CELSR3: variants seen among roughly 807,000 people sequenced by gnomAD.
CELSR3 encodes EGF-like protein 1.
Under a neutral mutation model 270.0 loss-of-function variants are expected in CELSR3, and 73 were observed. The ratio of observed to expected loss-of-function variants is 0.27; its 90% CI spans 0.22 to 0.33. CELSR3 has a LOEUF of 0.33. CELSR3 is among the 10% of genes least tolerant of loss of function. The probability of loss-of-function intolerance (pLI) is 1.00; values close to 1 mark genes in which losing one functional copy is unlikely to be tolerated. For missense variants in CELSR3, 3,614 were observed against 4,533.8 expected (o/e 0.80, Z 5.83); for synonymous variants, 1,780 against 1,905.4 (o/e 0.93, Z 1.71).
intron 27 of CELSR3, chr3:48,643,900 G>A (rs2047053502): frequency 1.6e-6 from 1 of 609,090 alleles, no homozygotes. Flanking sequence ...AAAACACAGG[G>A]GTATGGGAGC....
At position 48,642,787 on chromosome 3, in the gene CELSR3, C is replaced by T. The variant is rs143315209; in HGVS notation, c.8504G>A (p.Arg2835His). Reference sequence around the variant, plus strand: ...GTCCTGGTCCTGGGTCCGGCCGGAGCGGGCACTGCTCACAGAGGAGACGGT... The same window carrying T: ...GTCCTGGTCCTGGGTCCGGCCGGAGTGGGCACTGCTCACAGAGGAGACGGT... ...ASTVSSVSSARSGRTQDQDSQ... is the reference protein window; with the variant it reads ...ASTVSSVSSAHSGRTQDQDSQ... Residue 2835 changes from arginine to histidine, a missense_variant, in exon 30 of 35, where the codon CGC becomes CAC. By Grantham distance (29) the Arg-to-His change is conservative. Around this residue, in one of 7 missense-constraint regions of CELSR3, gnomAD observed 1,240 missense variants for 1,351.7 expected, o/e 0.92. Transcript: ENST00000164024. This position sits in a 1 kb window ranked among gnomAD's most constrained non-coding sequence, Gnocchi z 6.1. 5.0e-6 allele frequency: 8 copies of T among 1,612,646 alleles called. No homozygotes were observed. Among genetic ancestry groups the T allele is most frequent in the East Asian group, 2.2e-5 (1 of 44,900 alleles).
Position 48,661,942 on chromosome 3 carries a change from C to T in CELSR3, c.693G>A (p.Arg231=), listed in dbSNP as rs1051663147. 6.2e-7 allele frequency: 1 copy of T among 1,613,532 alleles called. No individual in the cohort carries two copies. Among genetic ancestry groups the T allele is most frequent in the Non-Finnish European group, 8.5e-7 (1 of 1,180,028 alleles). Residue 231 remains arginine, a synonymous_variant, in exon 1 of 35, where the codon CGG becomes CGA. Coordinates refer to ENST00000164024, the MANE Select transcript of CELSR3 (RefSeq NM_001407.3). ...TTSGAERTAP[R]RNCLPGASGS... ...CCGAGGCCCCTGGAAGACAGTTCCG[C>T]CGGGGGGCTGTCCTTTCTGCTCCGG...
rs750453972 is a variant in CELSR3 at position 48,642,935 on chromosome 3, T to C, written c.8406+32A>G. The C allele has an allele frequency of 6.2e-7, 1 of 1,610,230 alleles. No individual in the cohort carries two copies. Among genetic ancestry groups the C allele is most frequent in the East Asian group, 2.2e-5 (1 of 44,814 alleles). The stretch of plus-strand genomic sequence containing the variant: ...AGCTAACCCTGAAGCAGCCTAAAAC[T>C]CTGGCTTCTCAGGGCCCCCATCCCG... On this transcript the variant is annotated intron_variant, in intron 29 of 34. Coordinates refer to ENST00000164024, the MANE Select transcript of CELSR3 (RefSeq NM_001407.3). The surrounding 1 kb of genome is among the most constrained non-coding windows in gnomAD (Gnocchi z 6.1).
In CELSR3 at chr3:48,637,212, C is replaced by T. The variant is rs567219377; in HGVS notation, c.*993G>A. The T allele has an allele frequency of 1.0e-4, 16 of 152,684 alleles. No individual in the cohort carries two copies. The highest frequency in any genetic ancestry group is 2.9e-4 in the African/African-American group (12 of 41,536). 9.5% of individuals were successfully genotyped at this position (152,684 alleles called of 1,614,324 possible). A position where few individuals can be genotyped will look rare whatever the true frequency, so the allele number is the denominator to read the frequency against. On this transcript the variant is annotated 3_prime_UTR_variant, in exon 35 of 35. Transcript: ENST00000164024. ...TTAAGGGAATAAAGGAGGAGTGGAA[C>T]GGAGTCACTTCCTGCAGCCCAGGTG...
Position 48,662,559 on chromosome 3 carries a change from AAG to A in CELSR3, c.74_75del (p.Ser25PhefsTer73). 1 of 1,577,384 alleles carries A rather than the reference AAG, an allele frequency of 6.3e-7. No individual in the cohort carries two copies. Among genetic ancestry groups the A allele is most frequent in the Non-Finnish European group, 8.6e-7 (1 of 1,161,824 alleles). On this transcript the variant is annotated frameshift_variant, in exon 1 of 35. Transcript: ENST00000164024. LOFTEE classifies it high-confidence loss of function. The surrounding 1 kb of genome is among the most constrained non-coding windows in gnomAD (Gnocchi z 7.1). ...STPILLLLLL[S>X]LFPLSQEELG... ...AGCTCCTCCTGGCTGAGGGGGAACA[AAG>A]AGAGGAGAAGGAGCAGGAGTATGGG...
At position 48,648,787 on chromosome 3, in the gene CELSR3, G is replaced by C. The variant is rs1052291117; in HGVS notation, c.6709C>G (p.Leu2237Val). 1.2e-6 allele frequency: 2 copies of C among 1,613,014 alleles called. No homozygotes were observed. Among genetic ancestry groups the C allele is most frequent in the Non-Finnish European group, 1.7e-6 (2 of 1,180,002 alleles). ...VRVTARLLAHLLAFESHQQGF... is the reference protein window; with the variant it reads ...VRVTARLLAHVLAFESHQQGF... ...TGCTGATGGCTCTCGAAGGCCAGCA[G>C]GTGGGCCAGCAGGCGGGCAGTGACT... The change falls in exon 18 of 35, where the codon CTG becomes GTG. Residue 2237 changes from leucine (L) to valine (V), a missense_variant. By Grantham distance (32) the Leu-to-Val change is conservative. Around this residue, in one of 7 missense-constraint regions of CELSR3, gnomAD observed 1,331 missense variants for 1,933.7 expected, o/e 0.69. Transcript: ENST00000164024.
At position 48,644,006 on chromosome 3, in the gene CELSR3, C is replaced by T. The variant is rs1006108759; in HGVS notation, c.8165+210G>A. 40 of 592,212 alleles carry T rather than the reference C, an allele frequency of 6.8e-5. No individual in the cohort carries two copies. Among genetic ancestry groups the T allele is most frequent in the African/African-American group, 6.1e-4 (33 of 53,768 alleles). 36.7% of individuals were successfully genotyped at this position (592,212 alleles called of 1,614,324 possible). On this transcript the variant is annotated intron_variant, in intron 27 of 34. Coordinates refer to ENST00000164024, the MANE Select transcript of CELSR3 (RefSeq NM_001407.3). This position sits in a 1 kb window ranked among gnomAD's most constrained non-coding sequence, Gnocchi z 4.8. ...GGAGACTCTGGGGGGACCCAGAGGA[C>T]AAGGAGAGACAGCAGGGCAGAAGCA...
Position 48,639,927 on chromosome 3 carries a change from G to A in CELSR3, c.9658C>T (p.Leu3220Phe), listed in dbSNP as rs1199849537. The A allele has an allele frequency of 6.2e-7, 1 of 1,613,058 alleles. No homozygotes were observed. The highest frequency in any genetic ancestry group is 8.5e-7 in the Non-Finnish European group (1 of 1,180,002). Residue 3220 changes from leucine to phenylalanine, a missense_variant, in exon 34 of 35, where the codon CTC (leucine) becomes TTC (phenylalanine). Transcript: ENST00000164024. This position sits in a 1 kb window ranked among gnomAD's most constrained non-coding sequence, Gnocchi z 4.1. ...TCCCTAGCTCTGAGCAGCTGCGGGA[G>A]TGGCCCAAGGGCTTCTCGTGAGGGG... is the stretch of plus-strand genomic sequence containing the variant. ...RHPSREALGP[L>F]PQLLRAREDS...
At position 48,640,389 on chromosome 3, in the gene CELSR3, A is replaced by G. The variant is rs749797214; in HGVS notation, c.9196T>C (p.Tyr3066His). The change falls in exon 34 of 35, where the codon TAC (tyrosine) becomes CAC (histidine). Residue 3066 changes from tyrosine (Y) to histidine (H), a missense_variant. By Grantham distance (83) the Tyr-to-His change is moderately conservative. Coordinates refer to ENST00000164024, the MANE Select transcript of CELSR3 (RefSeq NM_001407.3). The surrounding 1 kb of genome is among the most constrained non-coding windows in gnomAD (Gnocchi z 7.5). ...AGGTCCAGCTGTTCTCTAGAAGAGT[A>G]GCGGCTGGCTGGCTGTGAAAGGCTG... is the stretch of plus-strand genomic sequence containing the variant. ...TGSLSQPASR[Y>H]SSREQLDLLL... is the part of the protein sequence containing the mutation. 1.2e-6 allele frequency: 2 copies of G among 1,612,586 alleles called. No individual in the cohort carries two copies. The highest frequency in any genetic ancestry group is 1.3e-5 in the African/African-American group (1 of 75,020).
At position 48,641,789 on chromosome 3, in the gene CELSR3, G is replaced by T; in HGVS notation, c.8824+62C>A. 1 of 1,394,954 alleles carries T rather than the reference G, an allele frequency of 7.2e-7. No homozygotes were observed. The highest frequency in any genetic ancestry group is 9.5e-7 in the Non-Finnish European group (1 of 1,058,060). The allele number at this position is 1,394,954 out of a possible 1,614,324, so 86.4% of individuals were successfully genotyped here. The stretch of plus-strand genomic sequence containing the variant: ...ACCCCAACCGCAGGAAAGATGGGGA[G>T]CTGGAGGGATAACAAATGGGGCATC... On this transcript the variant is annotated intron_variant, in intron 32 of 34. Transcript: ENST00000164024. This position sits in a 1 kb window ranked among gnomAD's most constrained non-coding sequence, Gnocchi z 4.8.
In CELSR3 at chr3:48,637,904, T is replaced by A; in HGVS notation, c.*301A>T. The A allele has an allele frequency of 5.4e-4, 149 of 276,250 alleles. No individual in the cohort carries two copies. Among genetic ancestry groups the A allele is most frequent in the Middle Eastern group, 1.2e-3 (1 of 848 alleles). The allele number at this position is 276,250 out of a possible 1,614,324, so 17.1% of individuals were successfully genotyped here. The stretch of plus-strand genomic sequence containing the variant: ...ATCTCTCCCTCTATCTCCCTCCCCC[T>A]CCCAGCCCAGCCTCAAACCCCCCAG... On this transcript the variant is annotated 3_prime_UTR_variant, in exon 35 of 35. Transcript: ENST00000164024.
chr3:48,656,690 C>A lies in CELSR3; in HGVS notation c.4399+8G>T. The A allele has an allele frequency of 6.8e-7, 1 of 1,476,352 alleles. No individual in the cohort carries two copies. The highest frequency in any genetic ancestry group is 2.4e-5 in the East Asian group (1 of 42,472). 91.5% of individuals were successfully genotyped at this position (1,476,352 alleles called of 1,614,324 possible). On this transcript the variant is annotated splice_region_variant and intron_variant, in intron 2 of 34. Transcript: ENST00000164024. ...CTTCCCCCAGCTCTGGCCCGGCGCC[C>A]TGCTCACCGGTGAAGCGCGGGCGGC... is the stretch of plus-strand genomic sequence containing the variant.
Position 48,652,534 on chromosome 3 carries a change from C to A in CELSR3, c.5654G>T (p.Ser1885Ile). ...SLFQDTMAVGSELQGLKVKQL... is the reference protein window; with the variant it reads ...SLFQDTMAVGIELQGLKVKQL... ...CTTTACCTTCAGGCCCTGCAGCTCA[C>A]TCCCCACCGCCATGGTGTCCTGGAG... Residue 1885 changes from serine to isoleucine, a missense_variant, in exon 11 of 35, where the codon AGT becomes ATT. Ser to Ile is a moderately radical substitution (Grantham distance 142). Coordinates refer to ENST00000164024, the MANE Select transcript of CELSR3 (RefSeq NM_001407.3). The surrounding 1 kb of genome is among the most constrained non-coding windows in gnomAD (Gnocchi z 4.3). 1 of 1,611,386 alleles carries A rather than the reference C, an allele frequency of 6.2e-7. No homozygotes were observed. The highest frequency in any genetic ancestry group is 1.7e-5 in the Admixed American group (1 of 59,720).
Position 48,637,202 on chromosome 3 carries a change from A to G in CELSR3, c.*1003T>C, listed in dbSNP as rs1351218862. ...TTTTCCCTTTTTAAGGGAATAAAGG[A>G]GGAGTGGAACGGAGTCACTTCCTGC... is the stretch of plus-strand genomic sequence containing the variant. On this transcript the variant is annotated 3_prime_UTR_variant, in exon 35 of 35. Coordinates refer to ENST00000164024, the MANE Select transcript of CELSR3 (RefSeq NM_001407.3). The G allele has an allele frequency of 6.6e-6, 1 of 152,640 alleles. No individual in the cohort carries two copies. Among genetic ancestry groups the G allele is most frequent in the Non-Finnish European group, 1.5e-5 (1 of 68,048 alleles). 9.5% of individuals were successfully genotyped at this position (152,640 alleles called of 1,614,324 possible).
At position 48,650,320 on chromosome 3, in the gene CELSR3, G is replaced by A. The variant is rs2047125606; in HGVS notation, c.6472+160C>T. The A allele has an allele frequency of 4.2e-6, 3 of 710,950 alleles. No homozygotes were observed. The highest frequency in any genetic ancestry group is 2.3e-4 in the Middle Eastern group (1 of 4,374). 44.0% of individuals were successfully genotyped at this position (710,950 alleles called of 1,614,324 possible). A position where few individuals can be genotyped will look rare whatever the true frequency, so the allele number is the denominator to read the frequency against. On this transcript the variant is annotated intron_variant, in intron 16 of 34. Coordinates refer to ENST00000164024, the MANE Select transcript of CELSR3 (RefSeq NM_001407.3). The surrounding 1 kb of genome is among the most constrained non-coding windows in gnomAD (Gnocchi z 5.1). ...CAGAAGCCAAGAGAAACAGATGGAG[G>A]CTCAATGAGGGTGTAGGGAGGGGCC...
Position 48,650,436 on chromosome 3 carries a change from C to CGGGGGG in CELSR3, c.6472+43_6472+44insCCCCCC. On this transcript the variant is annotated intron_variant, in intron 16 of 34. Coordinates refer to ENST00000164024, the MANE Select transcript of CELSR3 (RefSeq NM_001407.3). This position sits in a 1 kb window ranked among gnomAD's most constrained non-coding sequence, Gnocchi z 5.1. ...ATGGCTCTAGCAGTCAGAGTACAGGCCCACCCCCACCCTCAGTGATGTCCT... is the reference window on the plus strand; with the variant it reads ...ATGGCTCTAGCAGTCAGAGTACAGGCGGGGGGCCACCCCCACCCTCAGTGATGTCCT... 2 of 568,234 alleles carry CGGGGGG rather than the reference C, an allele frequency of 3.5e-6. No individual in the cohort carries two copies. The highest frequency in any genetic ancestry group is 3.3e-6 in the Non-Finnish European group (1 of 302,614). The allele number at this position is 568,234 out of a possible 1,614,324, so 35.2% of individuals were successfully genotyped here. A position where few individuals can be genotyped will look rare whatever the true frequency, so the allele number is the denominator to read the frequency against.
intron 27 of CELSR3, 197 bp from the exon 28 acceptor site, chr3:48,643,874 A>G (rs2047053169): frequency 1.6e-6 from 1 of 645,108 alleles, no homozygotes; most frequent in Non-Finnish European, 2.6e-6. Flanking sequence ...TCAAAGAGCC[A>G]TGAGGACACG....
In CELSR3 at chr3:48,652,485, G is replaced by T. The variant is rs759565221; in HGVS notation, c.5703C>A (p.Pro1901=). ...GAGGAGCCTCCTCTGCACTGCCGGGGGGCAGGCCTCCCACGTGGAGCTGCT... is the reference window on the plus strand; with the variant it reads ...GAGGAGCCTCCTCTGCACTGCCGGGTGGCAGGCCTCCCACGTGGAGCTGCT... ...KVKQLHVGGL[P]PGSAEEAPQG... The change falls in exon 11 of 35, where the codon CCC becomes CCA. Residue 1901 remains proline (P), a synonymous_variant. Coordinates refer to ENST00000164024, the MANE Select transcript of CELSR3 (RefSeq NM_001407.3). The surrounding 1 kb of genome is among the most constrained non-coding windows in gnomAD (Gnocchi z 4.3). 1.2e-6 allele frequency: 2 copies of T among 1,613,756 alleles called. No individual in the cohort carries two copies. The highest frequency in any genetic ancestry group is 1.7e-6 in the Non-Finnish European group (2 of 1,179,958).
chr3:48,660,010 G>A lies in CELSR3; in HGVS notation c.2625C>T (p.Ser875=), dbSNP rs766410932. The A allele has an allele frequency of 1.2e-6, 2 of 1,614,206 alleles. No homozygotes were observed. The highest frequency in any genetic ancestry group is 1.6e-4 in the Middle Eastern group (1 of 6,062). Residue 875 remains serine (S), a synonymous_variant, in exon 1 of 35, where the codon AGC becomes AGT. Transcript: ENST00000164024. This position sits in a 1 kb window ranked among gnomAD's most constrained non-coding sequence, Gnocchi z 5.5. ...VSVNEDRPMG[S]TIVVISASDD... Reference sequence around the variant, plus strand: ...CAGAGGCACTGATGACCACTATGGTGCTACCCATTGGCCGATCTTCATTCA... The same window carrying A: ...CAGAGGCACTGATGACCACTATGGTACTACCCATTGGCCGATCTTCATTCA...
Sources: allele counts gnomAD v4.1 joint callset, GRCh38; gene constraint gnomAD v4.1.1; regional missense constraint gnomAD v4.1.1; non-coding constraint Gnocchi (gnomAD v3.1); transcripts MANE v1.5; gene names NCBI Gene and HGNC (gene_info 2026-07-23, HGNC 2026-07-21).